FYN: variants seen among roughly 807,000 people sequenced by gnomAD.
FYN encodes FYN proto-oncogene, Src family tyrosine kinase.
FYN carries 10 observed loss-of-function variants against 70.2 expected under a neutral mutation model. The ratio of observed to expected loss-of-function variants is 0.14; its 90% confidence interval spans 0.09 to 0.24. FYN has a LOEUF of 0.24. Ranked by LOEUF, FYN falls within the 10% of genes least tolerant of loss-of-function variation. FYN has a pLI of 1.00. For synonymous variants in FYN, 236 were observed against 248.6 expected (o/e 0.95, Z 0.48); for missense variants, 319 against 673.1 (o/e 0.47, Z 5.82).
chr6:111,817,827 C>T (rs1772538016), intron 2 of FYN, among the ~76,000 whole-genome samples: 1 of 152,138 alleles, frequency 6.6e-6, no homozygotes, highest in Non-Finnish European at 1.5e-5. Flanking sequence ...TATAAGTATC[C>T]CTAATAAACA....
At chr6:111,769,721 G>C (rs1234675095) in intron 3 of FYN, among the ~76,000 whole-genome samples, 1 of 151,512 alleles carries the variant, frequency 6.6e-6, no homozygotes, top group South Asian at 2.1e-4. Flanking sequence ...CTTTAAGAAA[G>C]AATGAATTAA....
chr6:111,801,457 A>G (rs570952734), intron 2 of FYN, among the ~76,000 whole-genome samples: 10 of 152,202 alleles, frequency 6.6e-5, no homozygotes, highest in Non-Finnish European at 1.5e-4. Flanking sequence ...GCCAATTCTT[A>G]CGACATGTAG....
intron 3 of FYN, among the ~76,000 whole-genome samples, chr6:111,775,167 C>T (rs1770877151): frequency 6.6e-6 from 1 of 152,204 alleles, no homozygotes; most frequent in Non-Finnish European, 1.5e-5. Context: ...TCTAGTCATG[C>T]ACTAGAATAT....
At chr6:111,764,228 A>AAAAAAAAAG (rs530424442) in intron 3 of FYN, among the ~76,000 whole-genome samples, 30 of 134,884 alleles carry the variant, frequency 2.2e-4, no homozygotes, top group African/African-American at 9.1e-4. Context: ...AAAAAAAAAA[A>AAAAAAAAAG]AAAAGAAAAG....
rs142128952 is a variant in FYN, at chr6:111,838,405, T to G, written c.-82+8184A>C. ...AATACCTTGATGTCAGCAAAGCACC[T>G]GATAGTCACTCAAAAACATATCCAA... On this transcript the variant is annotated intron_variant, in intron 2 of 13. Coordinates refer to ENST00000354650, the MANE Select transcript of FYN (RefSeq NM_002037.5). Among the ~76,000 whole-genome samples the G allele has an allele frequency of 2.0e-5, 3 of 152,324 alleles. No homozygotes were observed. In the East Asian group the frequency reaches 5.8e-4, roughly 29 times the overall value.
At chr6:111,711,543 T>A (rs1800379480) in intron 5 of FYN, among the ~76,000 whole-genome samples, 1 of 152,230 alleles carries the variant, frequency 6.6e-6, no homozygotes, top group African/African-American at 2.4e-5. Flanking sequence ...TCTGGGTACA[T>A]ACATACATGC....
intron 12 of FYN, among the ~76,000 whole-genome samples, chr6:111,689,702 G>A (rs1332860668): frequency 6.6e-6 from 1 of 152,168 alleles, no homozygotes; most frequent in Non-Finnish European, 1.5e-5. Context: ...ATTCATGTCT[G>A]TGATGTTCAT....
intron 9 of FYN, chr6:111,699,554 T>C (rs751233750): frequency 1.9e-6 from 3 of 1,614,132 alleles, no homozygotes; most frequent in Non-Finnish European, 2.5e-6. Context: ...CCCAGCTTCT[T>C]CTCCAGACAC....
chr6:111,850,131 C>T (rs185935079), intron 1 of FYN, among the ~76,000 whole-genome samples: 4 of 152,234 alleles, frequency 2.6e-5, no homozygotes, highest in African/African-American at 9.6e-5. Flanking sequence ...GAAAGAGATT[C>T]AATACATTAG....
chr6:111,662,218 C>G (rs4945889), intron 13 of FYN, among the ~76,000 whole-genome samples: 2 of 152,068 alleles, frequency 1.3e-5, no homozygotes, highest in Admixed American at 6.5e-5. Flanking sequence ...TTCATTCATG[C>G]GAAATTCTAG....
At chr6:111,858,759 T>C (rs1773886925) in intron 1 of FYN, among the ~76,000 whole-genome samples, 2 of 149,810 alleles carry the variant, frequency 1.3e-5, no homozygotes, top group Admixed American at 1.3e-4. Context: ...GTAAATTGAA[T>C]ACCAGTTCAA....
At chr6:111,673,726 A>T (rs1286143824) in intron 13 of FYN, among the ~76,000 whole-genome samples, 1 of 147,624 alleles carries the variant, frequency 6.8e-6, no homozygotes, top group Non-Finnish European at 1.5e-5. Flanking sequence ...TGTCCTTAAC[A>T]TTTCAAAAAA....
At chr6:111,712,027 G>A (rs564726479) in intron 5 of FYN, among the ~76,000 whole-genome samples, 3 of 152,318 alleles carry the variant, frequency 2.0e-5, no homozygotes, top group Non-Finnish European at 4.4e-5. Flanking sequence ...GTGCATGGAA[G>A]TCACAAAATA....
At position 111,701,492 on chromosome 6, in the gene FYN, T is replaced by G. The variant is rs918449351; in HGVS notation, c.698-1224A>C. 5.9e-5 allele frequency among the ~76,000 whole-genome samples: 9 copies of G among 152,202 alleles called. 1 individual carries two copies. Among genetic ancestry groups the G allele is most frequent in the African/African-American group, 2.2e-4 (9 of 41,456 alleles). ...ATGTGTCAGCATTTCAAAGGCATTTTATTGTGTGAGAGAGAAAGAGGGAAG... is the reference window on the plus strand; with the variant it reads ...ATGTGTCAGCATTTCAAAGGCATTTGATTGTGTGAGAGAGAAAGAGGGAAG... On this transcript the variant is annotated intron_variant, in intron 8 of 13. Coordinates refer to ENST00000354650, the MANE Select transcript of FYN (RefSeq NM_002037.5).
intron 3 of FYN, among the ~76,000 whole-genome samples, chr6:111,746,356 G>T (rs774804804): frequency 6.6e-6 from 1 of 152,160 alleles, no homozygotes; most frequent in African/African-American, 2.4e-5. Flanking sequence ...GGCAAACACG[G>T]TTGTGATTTC....
intron 6 of FYN, among the ~76,000 whole-genome samples, 189 bp downstream of exon 6, chr6:111,707,733 C>T (rs1800162713): frequency 6.6e-6 from 1 of 152,130 alleles, no homozygotes. Flanking sequence ...GAGCAGGCTT[C>T]AAGAGAAACA....
chr6:111,723,034 A>AGCTGTTTCTC (rs1801028647), intron 3 of FYN, among the ~76,000 whole-genome samples: 1 of 152,238 alleles, frequency 6.6e-6, no homozygotes, highest in African/African-American at 2.4e-5. Context: ...GTGCACTGTG[A>AGCTGTTTCTC]TAGAGAAACA....
chr6:111,759,302 G>C (rs1802897089), intron 3 of FYN, among the ~76,000 whole-genome samples: 1 of 152,176 alleles, frequency 6.6e-6, no homozygotes, highest in Admixed American at 6.5e-5. Context: ...AAGGTGGAGT[G>C]ATTTCACTGG....
chr6:111,785,383 A>G (rs137884566), intron 2 of FYN, among the ~76,000 whole-genome samples: 6 of 152,342 alleles, frequency 3.9e-5, no homozygotes, highest in African/African-American at 1.4e-4. Context: ...CTGGCACTGA[A>G]TATGAAATGT....
Sources: gnomAD v4.1 joint callset for allele counts (sites outside exome capture counted in the v4.1 genomes callset) on GRCh38, gnomAD v4.1.1 for gene constraint, MANE v1.5 for transcripts, NCBI Gene and HGNC (gene_info 2026-07-23, HGNC 2026-07-21) for gene names.